The following LSAMP variants were observed in gnomAD, a reference collection of about 807,000 sequenced individuals.
The protein encoded by LSAMP is limbic system associated membrane protein.
LSAMP carries 7 observed loss-of-function variants against 38.6 expected under a neutral mutation model. That is an observed-to-expected ratio of 0.18 (90% CI 0.10 to 0.34). The LOEUF (loss-of-function observed/expected upper bound fraction) is 0.34. LSAMP is among the 10% of genes least tolerant of loss of function. LSAMP has a pLI of 1.00. For synonymous variants in LSAMP, 154 were observed against 166.8 expected (o/e 0.92, Z 0.59); for missense variants, 313 against 420.0 (o/e 0.75, Z 2.23).
intron 2 of LSAMP, among the ~76,000 whole-genome samples, chr3:116,057,765 A>T (rs2107742409): frequency 6.6e-6 from 1 of 152,236 alleles, no homozygotes; most frequent in South Asian, 2.1e-4. Context: ...TCATGCCTGA[A>T]ATTAAACACC....
At chr3:116,251,592 C>G (rs1004543373) in intron 1 of LSAMP, among the ~76,000 whole-genome samples, 3 of 152,182 alleles carry the variant, frequency 2.0e-5, no homozygotes. Context: ...AGGGCAGCTC[C>G]TTTAAAGAAA....
intron 1 of LSAMP, among the ~76,000 whole-genome samples, chr3:116,373,039 T>C (rs2048450064): frequency 6.6e-6 from 1 of 151,438 alleles, no homozygotes; most frequent in Non-Finnish European, 1.5e-5. Context: ...GAAAATACAC[T>C]TACCATATCA....
At chr3:115,854,282 A>ATTATTT (rs1366839788) in intron 3 of LSAMP, among the ~76,000 whole-genome samples, 227 of 107,012 alleles carry the variant, frequency 2.1e-3, no homozygotes, top group African/African-American at 7.1e-3. Flanking sequence ...TATTATTATT[A>ATTATTT]TTTTTTTTTT....
intron 1 of LSAMP, among the ~76,000 whole-genome samples, chr3:116,155,391 AT>A (rs533884821): frequency 1.3e-5 from 2 of 151,098 alleles, no homozygotes; most frequent in East Asian, 3.9e-4. Flanking sequence ...TGCCTGGCTA[AT>A]TTTTTTTGTA....
intron 1 of LSAMP, among the ~76,000 whole-genome samples, chr3:116,254,080 C>T (rs2046719712): frequency 6.6e-6 from 1 of 152,098 alleles, no homozygotes; most frequent in African/African-American, 2.4e-5. Flanking sequence ...GAGTAATCTA[C>T]CTTTTAACAT....
chr3:116,353,346 A>C (rs149740077), intron 1 of LSAMP, among the ~76,000 whole-genome samples: 1 of 151,978 alleles, frequency 6.6e-6, no homozygotes. Flanking sequence ...GTTCTGCACA[A>C]GAGTTATAGT....
At chr3:116,008,677 C>A (rs929978539) in intron 3 of LSAMP, among the ~76,000 whole-genome samples, 4 of 151,726 alleles carry the variant, frequency 2.6e-5, no homozygotes, top group Non-Finnish European at 4.4e-5. Flanking sequence ...CACCCCCACT[C>A]CCCACCAATA....
intron 1 of LSAMP, among the ~76,000 whole-genome samples, chr3:116,116,753 A>C (rs1170985561): frequency 1.3e-5 from 2 of 151,924 alleles, no homozygotes; most frequent in African/African-American, 4.8e-5. Context: ...TAATAAAATG[A>C]GGAATAAAAT....
At chr3:116,021,484 T>C (rs1357696138) in intron 2 of LSAMP, among the ~76,000 whole-genome samples, 1 of 152,104 alleles carries the variant, frequency 6.6e-6, no homozygotes, top group Admixed American at 6.6e-5. Flanking sequence ...CTGAACATCT[T>C]CAAAACAACT....
intron 1 of LSAMP, among the ~76,000 whole-genome samples, chr3:116,098,754 ATT>A (rs895508261): frequency 6.6e-6 from 1 of 151,074 alleles, no homozygotes. Flanking sequence ...TCACCAAAGC[ATT>A]TTTTTTTCCT....
At chr3:116,333,141 T>G (rs1282867809) in intron 1 of LSAMP, among the ~76,000 whole-genome samples, 1 of 152,094 alleles carries the variant, frequency 6.6e-6, no homozygotes, top group Admixed American at 6.6e-5. Context: ...CTACCAGACA[T>G]ATTCAGAATA....
At position 116,277,515 on chromosome 3, in the gene LSAMP, G is replaced by A. The variant is rs143455553; in HGVS notation, c.155+167362C>T. On this transcript the variant is annotated intron_variant, in intron 1 of 6. Coordinates refer to ENST00000490035, the MANE Select transcript of LSAMP (RefSeq NM_002338.5). Reference sequence around the variant, plus strand: ...CTCCCGAGTGGCTGGGACCACAGGCGCCCACCACCACGCCTGGCTAATTTT... The same window carrying A: ...CTCCCGAGTGGCTGGGACCACAGGCACCCACCACCACGCCTGGCTAATTTT... Among the ~76,000 whole-genome samples, 254 of 152,002 alleles carry A rather than the reference G, an allele frequency of 1.7e-3. 3 individuals carry two copies. The highest frequency in any genetic ancestry group is 5.9e-3 in the African/African-American group (243 of 41,468).
Position 116,245,494 on chromosome 3 carries a change from C to T in LSAMP, c.156-158938G>A, listed in dbSNP as rs570606072. On this transcript the variant is annotated intron_variant, in intron 1 of 6. Transcript: ENST00000490035. The stretch of plus-strand genomic sequence containing the variant: ...ATACAAAACTCTTTAAAATTTGGTG[C>T]ATATCTTACTCTTAGCTTTTAACTC... Among the ~76,000 whole-genome samples, 7 of 152,250 alleles carry T rather than the reference C, an allele frequency of 4.6e-5. No individual in the cohort carries two copies. In the East Asian group the frequency reaches 1.3e-3, roughly 29 times the overall value.
intron 1 of LSAMP, among the ~76,000 whole-genome samples, chr3:116,335,454 G>C (rs919003787): frequency 6.6e-6 from 1 of 151,956 alleles, no homozygotes; most frequent in Admixed American, 6.6e-5. Flanking sequence ...GCCCTTCCGG[G>C]TTTCAAATAT....
At chr3:116,195,039 G>A (rs1294851814) in intron 1 of LSAMP, among the ~76,000 whole-genome samples, 4 of 152,190 alleles carry the variant, frequency 2.6e-5, no homozygotes, top group African/African-American at 9.7e-5. Context: ...GGTTCATTCA[G>A]AGAGATGTGC....
intron 1 of LSAMP, among the ~76,000 whole-genome samples, chr3:116,101,730 A>G (rs965477994): frequency 2.0e-5 from 3 of 152,272 alleles, no homozygotes; most frequent in Admixed American, 1.3e-4. Flanking sequence ...TACAATATGC[A>G]GGGGAAACTG....
intron 3 of LSAMP, among the ~76,000 whole-genome samples, chr3:115,862,167 T>C (rs148873444): frequency 6.6e-6 from 1 of 152,112 alleles, no homozygotes; most frequent in East Asian, 1.9e-4. Flanking sequence ...TCACTCACCA[T>C]TGTCATCAGA....
intron 1 of LSAMP, among the ~76,000 whole-genome samples, chr3:116,157,060 T>C (rs1258344770): frequency 2.0e-5 from 3 of 152,102 alleles, no homozygotes; most frequent in Non-Finnish European, 4.4e-5. Flanking sequence ...CCCAGATTAG[T>C]GGTTTTCAAA....
At chr3:115,888,417 C>T (rs1936511464) in intron 3 of LSAMP, among the ~76,000 whole-genome samples, 1 of 151,868 alleles carries the variant, frequency 6.6e-6, no homozygotes, top group Admixed American at 6.6e-5. Context: ...TGTTAATTAC[C>T]TCTTTAACAC....
Sources: gnomAD v4.1 joint callset for allele counts (sites outside exome capture counted in the v4.1 genomes callset) on GRCh38, gnomAD v4.1.1 for gene constraint, MANE v1.5 for transcripts, NCBI Gene and HGNC (gene_info 2026-07-23, HGNC 2026-07-21) for gene names.